RIN2: variants seen among roughly 807,000 people sequenced by gnomAD.
The protein encoded by RIN2 is Ras and Rab interactor 2.
Under a neutral mutation model 78.0 loss-of-function variants are expected in RIN2, and 36 were observed. The observed-to-expected ratio is 0.46, with a 90% CI of 0.35 to 0.61. RIN2 has a LOEUF of 0.61. RIN2 is among the 20% of genes least tolerant of loss of function. The pLI, the probability that RIN2 is intolerant of heterozygous loss-of-function variation, is 0.00. For synonymous variants in RIN2, 466 were observed against 466.8 expected, an observed-to-expected ratio of 1.00 and a Z score of 0.02; for missense variants, 1,087 against 1,159.7, an observed-to-expected ratio of 0.94 and a Z score of 0.91.
chr20:19,874,061 G>GGTGTGTGTGTGT (rs60818960), intron 2 of RIN2, among the ~76,000 whole-genome samples: 1 of 149,918 alleles, frequency 6.7e-6, no homozygotes, highest in African/African-American at 2.5e-5. Context: ...TTCACATTTT[G>GGTGTGTGTGTGT]GTGTGTGTGT....
At chr20:19,920,003 C>A (rs1231733409) in intron 3 of RIN2, among the ~76,000 whole-genome samples, 4 of 152,002 alleles carry the variant, frequency 2.6e-5, no homozygotes, top group African/African-American at 7.2e-5. Context: ...TTAGAAAGAA[C>A]GTCATCCCAG....
At chr20:19,999,913 T>G (rs529116648) in intron 12 of RIN2, among the ~76,000 whole-genome samples, 3 of 152,352 alleles carry the variant, frequency 2.0e-5, no homozygotes, top group African/African-American at 7.2e-5. Context: ...TTGTATTAGA[T>G]TGAACTACAT....
chr20:19,849,981 T>C (rs1487985630), intron 2 of RIN2, among the ~76,000 whole-genome samples: 2 of 152,116 alleles, frequency 1.3e-5, no homozygotes, highest in Non-Finnish European at 2.9e-5. Context: ...AACCTCCTCC[T>C]ATGTCTATTT....
At chr20:19,924,470 A>C (rs1362313127) in intron 3 of RIN2, among the ~76,000 whole-genome samples, 1 of 105,430 alleles carries the variant, frequency 9.5e-6, no homozygotes, top group Non-Finnish European at 2.1e-5. Context: ...CCTCACCTTC[A>C]TACCCCCACC....
chr20:19,934,359 G>A (rs2040551924), intron 3 of RIN2: 1 of 446,576 alleles, frequency 2.2e-6, no homozygotes, highest in Non-Finnish European at 3.0e-6. Flanking sequence ...TACGCGCCAG[G>A]AAAGACTCTG....
At chr20:19,795,814 C>T (rs1321593981) in intron 1 of RIN2, among the ~76,000 whole-genome samples, 4 of 152,148 alleles carry the variant, frequency 2.6e-5, no homozygotes, top group Non-Finnish European at 5.9e-5. Flanking sequence ...AAGACCAGCA[C>T]CCCCAAACAA....
chr20:19,815,463 T>G (rs1379934515), intron 2 of RIN2, among the ~76,000 whole-genome samples: 1 of 152,252 alleles, frequency 6.6e-6, no homozygotes, highest in Non-Finnish European at 1.5e-5. Flanking sequence ...TATTTCTTTT[T>G]ATGGAACTAC....
chr20:19,875,933 C>T (rs2037842080), intron 2 of RIN2, among the ~76,000 whole-genome samples: 1 of 152,192 alleles, frequency 6.6e-6, no homozygotes, highest in African/African-American at 2.4e-5. Context: ...GAAGATTCAG[C>T]AGAACTGCAG....
At chr20:19,909,920 T>A (rs2039389300) in intron 3 of RIN2, among the ~76,000 whole-genome samples, 1 of 152,080 alleles carries the variant, frequency 6.6e-6, no homozygotes, top group Non-Finnish European at 1.5e-5. Context: ...GCCCAGCCAG[T>A]CTTGAGCAGG....
chr20:19,800,604 G>C (rs942394732), intron 2 of RIN2, among the ~76,000 whole-genome samples: 3 of 152,180 alleles, frequency 2.0e-5, no homozygotes, highest in African/African-American at 7.2e-5. Context: ...ACATGTAGGT[G>C]CTCCAGTTGA....
At chr20:19,870,908 T>G (rs1005720411) in intron 2 of RIN2, among the ~76,000 whole-genome samples, 2 of 152,350 alleles carry the variant, frequency 1.3e-5, no homozygotes, top group East Asian at 3.9e-4. Flanking sequence ...TTGGATCACC[T>G]GGACAAGGTG....
rs367710811 is a variant in RIN2, at chr20:19,995,686, A to AG, written c.2201-985dup. On this transcript the variant is annotated intron_variant, in intron 11 of 12. Coordinates refer to ENST00000255006, the MANE Select transcript of RIN2 (RefSeq NM_018993.4). ...CAGATGTTATGTTAGTCCCAAAGGA[A>AG]GGGGGGGGTAAGAAAGGGAATCAAG... is the stretch of plus-strand genomic sequence containing the variant. Among the ~76,000 whole-genome samples the AG allele has an allele frequency of 3.7e-3, 562 of 151,778 alleles. 7 individuals are homozygous for AG. Among genetic ancestry groups the AG allele is most frequent in the Admixed American group, 0.023 (352 of 15,206 alleles).
At chr20:19,963,034 G>A (rs930741663) in intron 6 of RIN2, among the ~76,000 whole-genome samples, 1 of 152,060 alleles carries the variant, frequency 6.6e-6, no homozygotes, top group Non-Finnish European at 1.5e-5. Flanking sequence ...CCTCATATTT[G>A]GAAACAATGC....
chr20:19,813,053 G>C (rs2035652522), intron 2 of RIN2, among the ~76,000 whole-genome samples: 1 of 152,160 alleles, frequency 6.6e-6, no homozygotes, highest in Non-Finnish European at 1.5e-5. Flanking sequence ...CACCACCCCT[G>C]CAGGAAGAAC....
At chr20:19,829,157 A>G (rs1568790867) in intron 2 of RIN2, among the ~76,000 whole-genome samples, 1 of 152,150 alleles carries the variant, frequency 6.6e-6, no homozygotes, top group Non-Finnish European at 1.5e-5. Context: ...TGAGAGGTTC[A>G]TGGAGGTTCT....
At chr20:19,991,078 A>C (rs532380708) in intron 10 of RIN2, among the ~76,000 whole-genome samples, 3 of 152,272 alleles carry the variant, frequency 2.0e-5, no homozygotes, top group African/African-American at 7.2e-5. Flanking sequence ...ACGATTACGA[A>C]CTTTTCTTCT....
At chr20:19,804,475 G>A (rs2035342172) in intron 2 of RIN2, among the ~76,000 whole-genome samples, 1 of 152,110 alleles carries the variant, frequency 6.6e-6, no homozygotes, top group Non-Finnish European at 1.5e-5. Flanking sequence ...TTTATCTTTA[G>A]TTCTGTTTAT....
Position 19,996,812 on chromosome 20 carries a change from C to A in RIN2, c.2334C>A (p.Asn778Lys), listed in dbSNP as rs765518683. ...AGTGGCACAAACGGAGAACCACCAA[C>A]CGGACCATCCCCTCTGTGGACGACT... ...LRQWHKRRTT[N>K]RTIPSVDDFQ... Residue 778 changes from asparagine (N) to lysine (K), a missense_variant, in exon 12 of 13, where the codon AAC becomes AAA. Physicochemically the swap from Asn to Lys is moderately conservative, Grantham distance 94 (BLOSUM62 0). Transcript: ENST00000255006. 6.2e-7 allele frequency: 1 copy of A among 1,604,090 alleles called. No individual in the cohort carries two copies. The highest frequency in any genetic ancestry group is 2.2e-5 in the East Asian group (1 of 44,536).
At chr20:19,877,805 G>A (rs925288392) in intron 2 of RIN2, among the ~76,000 whole-genome samples, 2 of 151,996 alleles carry the variant, frequency 1.3e-5, no homozygotes, top group African/African-American at 4.8e-5. Flanking sequence ...GATCGCTTGA[G>A]CCCAGGAGTT....
Sources: gnomAD v4.1 joint callset for allele counts (sites outside exome capture counted in the v4.1 genomes callset) on GRCh38, gnomAD v4.1.1 for gene constraint, MANE v1.5 for transcripts, NCBI Gene and HGNC (gene_info 2026-07-23, HGNC 2026-07-21) for gene names.